LIN54: variants seen among roughly 807,000 people sequenced by gnomAD.
LIN54 encodes the protein protein lin-54 homolog.
LIN54 carries 9 observed loss-of-function variants against 78.7 expected under a neutral mutation model. The ratio of observed to expected loss-of-function variants is 0.11; its 90% CI spans 0.07 to 0.20. LIN54 has a LOEUF of 0.20. LIN54 is among the 10% of genes least tolerant of loss of function. The pLI is 1.00. For missense variants in LIN54, 573 were observed against 889.9 expected, an observed-to-expected ratio of 0.64 and a Z score of 4.53; for synonymous variants, 269 against 318.4, an observed-to-expected ratio of 0.84 and a Z score of 1.65.
chr4:82,929,738 G>A (rs1297517042), intron 12 of LIN54, among the ~76,000 whole-genome samples: 2 of 151,912 alleles, frequency 1.3e-5, no homozygotes, highest in African/African-American at 4.8e-5. Flanking sequence ...CCCAGGAGGC[G>A]GAGATTGCAG....
At chr4:82,965,269 G>A (rs16999103) in intron 4 of LIN54, among the ~76,000 whole-genome samples, 32,204 of 151,978 alleles carry the variant, frequency 0.21, 3,560 homozygotes, top group South Asian at 0.32. Flanking sequence ...GAAGAAAACC[G>A]AGGATTACTT....
In LIN54 at chr4:82,946,298, A is replaced by G. The variant is rs768460663; in HGVS notation, c.1128T>C (p.Val376=). ...ATSASSSTQP[V]SQNPSTNTQP... is the part of the protein sequence containing the mutation. ...GAGTGTTTGTACTGGGATTCTGACT[A>G]ACTGGCTGGGTTGAGCTACTGGCTG... Residue 376 remains valine, a synonymous_variant, in exon 5 of 13, where the codon GTT becomes GTC. Transcript: ENST00000340417. 8 of 1,614,110 alleles carry G rather than the reference A, an allele frequency of 5.0e-6. No homozygotes were observed. Among genetic ancestry groups the G allele is most frequent in the Middle Eastern group, 3.3e-4 (2 of 6,084 alleles).
At chr4:83,012,807 C>G (rs1312968300), upstream of LIN54, 2 of 151,606 alleles carry the variant, frequency 1.3e-5, no homozygotes, top group Non-Finnish European at 2.9e-5. Flanking sequence ...CCGGCGGCGC[C>G]GCCGCCTCCT....
Position 83,000,370 on chromosome 4 carries a change from TA to T in LIN54, c.-33+10113del, listed in dbSNP as rs765627740. Among the ~76,000 whole-genome samples the T allele has an allele frequency of 3.9e-5, 6 of 152,194 alleles. No individual in the cohort carries two copies. The East Asian group carries it at 7.7e-4, about 20-fold the overall frequency. The stretch of plus-strand genomic sequence containing the variant: ...TTATGATCAGAACTGCCCTTATCTA[TA>T]AAGCTGCTAAACCCTGAGCCTTGAA... On this transcript the variant is annotated intron_variant, in intron 1 of 12. Coordinates refer to ENST00000340417, the MANE Select transcript of LIN54 (RefSeq NM_194282.4).
chr4:82,964,636 A>G (rs1395180846), intron 4 of LIN54, among the ~76,000 whole-genome samples: 1 of 152,154 alleles, frequency 6.6e-6, no homozygotes, highest in Non-Finnish European at 1.5e-5. Flanking sequence ...CTATTAAGCT[A>G]CTTTGTTAAG....
At chr4:83,012,834 C>G (rs1298172047), upstream of LIN54, 1 of 151,858 alleles carries the variant, frequency 6.6e-6, no homozygotes, top group Non-Finnish European at 1.5e-5. Flanking sequence ...GCGGCGCTCC[C>G]TGGGCTCCCA....
chr4:82,932,805 A>G (rs1722078042), intron 11 of LIN54, among the ~76,000 whole-genome samples: 1 of 152,146 alleles, frequency 6.6e-6, no homozygotes, highest in South Asian at 2.1e-4. Flanking sequence ...AGCCTAGGCA[A>G]TAAGAATGAA....
chr4:82,956,353 TA>T (rs11464761), intron 4 of LIN54, among the ~76,000 whole-genome samples: 10 of 128,838 alleles, frequency 7.8e-5, no homozygotes, highest in Non-Finnish European at 9.5e-5. Context: ...CCGTCTCAAC[TA>T]AAAAAAAAAA....
At chr4:82,953,077 A>G (rs1723974190) in intron 4 of LIN54, among the ~76,000 whole-genome samples, 2 of 152,222 alleles carry the variant, frequency 1.3e-5, no homozygotes, top group Non-Finnish European at 2.9e-5. Flanking sequence ...TGCTGCCTCA[A>G]CTTTCTGGGC....
At chr4:82,970,227 G>A in intron 4 of LIN54, 100 bp downstream of exon 4, 1 of 1,073,226 alleles carries the variant, frequency 9.3e-7, no homozygotes, top group Non-Finnish European at 1.4e-6. Flanking sequence ...TCTATTACTT[G>A]CTTGGGAATG....
chr4:82,927,945 C>A lies in LIN54; in HGVS notation c.*157G>T. On this transcript the variant is annotated 3_prime_UTR_variant, in exon 13 of 13. Transcript: ENST00000340417. Reference sequence around the variant, plus strand: ...CTAAGATTTAAAATGTACTAATTTCCTCATTTAAAATTTCTTCTCCTTCAG... The same window carrying A: ...CTAAGATTTAAAATGTACTAATTTCATCATTTAAAATTTCTTCTCCTTCAG... 1 of 623,680 alleles carries A rather than the reference C, an allele frequency of 1.6e-6. No homozygotes were observed. The allele number at this position is 623,680 out of a possible 1,614,324, so 38.6% of individuals were successfully genotyped here. A position where few individuals can be genotyped will look rare whatever the true frequency, so the allele number is the denominator to read the frequency against.
In LIN54 at chr4:83,010,809, G is replaced by A. The variant is rs1015963256; in HGVS notation, c.-358C>T. 6 of 1,233,610 alleles carry A rather than the reference G, an allele frequency of 4.9e-6. No homozygotes were observed. The highest frequency in any genetic ancestry group is 4.0e-6 in the Non-Finnish European group (4 of 989,916). The allele number at this position is 1,233,610 out of a possible 1,614,324, so 76.4% of individuals were successfully genotyped here. A position where few individuals can be genotyped will look rare whatever the true frequency, so the allele number is the denominator to read the frequency against. ...AGCCGGAGCCCGGGCCGCCGCCGCC[G>A]CCGCCACCACCAGTAACCTCCCCCT... On this transcript the variant is annotated 5_prime_UTR_variant, in exon 1 of 13. Transcript: ENST00000340417.
intron 4 of LIN54, 87 bp from the exon 5 acceptor site, chr4:82,946,561 A>G: frequency 9.6e-7 from 1 of 1,036,642 alleles, no homozygotes; most frequent in Non-Finnish European, 1.5e-6. Context: ...CAAGTTGTAA[A>G]GTATGCTCCT....
At chr4:82,966,681 C>A (rs533475052) in intron 4 of LIN54, among the ~76,000 whole-genome samples, 1 of 152,210 alleles carries the variant, frequency 6.6e-6, no homozygotes, top group East Asian at 1.9e-4. Flanking sequence ...TGCAGTGGCA[C>A]AATCTCAGCT....
intron 1 of LIN54, among the ~76,000 whole-genome samples, chr4:83,004,102 G>A (rs1729086597): frequency 6.6e-6 from 1 of 152,058 alleles, no homozygotes; most frequent in African/African-American, 2.4e-5. Context: ...AGGATATAGA[G>A]TATGTAGAAA....
chr4:82,948,891 T>G (rs1009425457), intron 4 of LIN54, among the ~76,000 whole-genome samples: 1 of 152,214 alleles, frequency 6.6e-6, no homozygotes, highest in Non-Finnish European at 1.5e-5. Flanking sequence ...TTATTTTATA[T>G]ATATACTACA....
chr4:83,012,001 G>C, upstream of LIN54: 1 of 984,400 alleles, frequency 1.0e-6, no homozygotes. Flanking sequence ...AGTTGAAAAA[G>C]TCATTTCATT....
chr4:82,985,253 G>T (rs1261695446), intron 1 of LIN54, among the ~76,000 whole-genome samples: 1 of 152,106 alleles, frequency 6.6e-6, no homozygotes, highest in African/African-American at 2.4e-5. Flanking sequence ...CTCATTGACA[G>T]ACTTGAAAAC....
chr4:82,940,110 G>T (rs1722730176), intron 5 of LIN54, 148 bp from the exon 6 acceptor site: 1 of 635,168 alleles, frequency 1.6e-6, no homozygotes, highest in Non-Finnish European at 2.7e-6. Context: ...CTTTAATCAG[G>T]ATAGTTACCT....
Sources: gnomAD v4.1 joint callset for allele counts (sites outside exome capture counted in the v4.1 genomes callset) on GRCh38, gnomAD v4.1.1 for gene constraint, MANE v1.5 for transcripts, NCBI Gene and HGNC (gene_info 2026-07-23, HGNC 2026-07-21) for gene names.